The following IQCM variants were observed in gnomAD, a reference collection of about 807,000 sequenced individuals.
IQCM encodes IQ domain-containing protein M.
IQCM carries 45 observed loss-of-function variants against 57.6 expected under a neutral mutation model. The observed-to-expected ratio is 0.78, with a 90% confidence interval of 0.62 to 1.00. The LOEUF (loss-of-function observed/expected upper bound fraction) is 1.00. Among genes scored for constraint, IQCM ranks in the 50% least tolerant of loss-of-function variants. The pLI is 0.00. For synonymous variants in IQCM, 148 were observed against 158.9 expected (o/e 0.93, Z 0.51); for missense variants, 468 against 511.6 (o/e 0.91, Z 0.82).
chr4:149,686,887 G>C (rs534605048), intron 5 of IQCM, among the ~76,000 whole-genome samples: 10 of 151,446 alleles, frequency 6.6e-5, no homozygotes, highest in African/African-American at 2.4e-4. Context: ...CCTATAAATA[G>C]GAACACAAAG....
intron 12 of IQCM, among the ~76,000 whole-genome samples, chr4:149,510,121 T>A (rs990835845): frequency 2.0e-5 from 3 of 152,132 alleles, no homozygotes; most frequent in Non-Finnish European, 4.4e-5. Context: ...AATGCTAAAT[T>A]TTTGGAATCC....
chr4:149,358,540 A>C (rs1369411587), intron 13 of IQCM, among the ~76,000 whole-genome samples: 1 of 152,088 alleles, frequency 6.6e-6, no homozygotes, highest in Non-Finnish European at 1.5e-5. Flanking sequence ...TTCAGTTTCC[A>C]TGTAGTTGAG....
intron 12 of IQCM, among the ~76,000 whole-genome samples, chr4:149,437,338 A>C (rs1416812520): frequency 6.6e-6 from 1 of 152,100 alleles, no homozygotes; most frequent in Non-Finnish European, 1.5e-5. Context: ...TACTGATGTT[A>C]GTCTTCTCCA....
chr4:149,387,322 C>T (rs888042165), intron 13 of IQCM, among the ~76,000 whole-genome samples: 1 of 151,996 alleles, frequency 6.6e-6, no homozygotes, highest in Non-Finnish European at 1.5e-5. Flanking sequence ...AATATCATCA[C>T]CTTGAGGGTT....
At chr4:149,682,087 G>A (rs1762220370) in intron 7 of IQCM, 31 bp downstream of exon 7, 1 of 847,646 alleles carries the variant, frequency 1.2e-6, no homozygotes, top group Non-Finnish European at 1.6e-6. Flanking sequence ...AAATCAATGT[G>A]CTGCTACCAA....
At chr4:149,505,105 C>CAGCA (rs1335584404) in intron 12 of IQCM, among the ~76,000 whole-genome samples, 1 of 152,118 alleles carries the variant, frequency 6.6e-6, no homozygotes, top group Non-Finnish European at 1.5e-5. Context: ...TGAACTAAGA[C>CAGCA]AGCAACCTAT....
At chr4:149,379,085 G>A (rs753514297) in intron 13 of IQCM, among the ~76,000 whole-genome samples, 75 of 152,206 alleles carry the variant, frequency 4.9e-4, no homozygotes, top group Non-Finnish European at 8.8e-4. Context: ...GTGCACAAAA[G>A]TCAAGAATTG....
rs576142021 is a variant in IQCM at position 149,495,036 on chromosome 4, C to T, written c.1228+53419G>A. ...CAGACAGATAAAGGATAGTTATTAG[C>T]GGAGAAAGTAAGAAAAAGGTAGAGA... On this transcript the variant is annotated intron_variant, in intron 12 of 13. Transcript: ENST00000636793. Among the ~76,000 whole-genome samples, 142 of 151,806 alleles carry T rather than the reference C, an allele frequency of 9.4e-4. 5 individuals are homozygous for T. In the South Asian group the frequency reaches 0.026, roughly 28 times the overall value.
At chr4:149,703,993 T>A (rs777342421) in intron 5 of IQCM, among the ~76,000 whole-genome samples, 1 of 151,870 alleles carries the variant, frequency 6.6e-6, no homozygotes, top group African/African-American at 2.4e-5. Context: ...AAATGTATGG[T>A]CTTTGTGAAA....
intron 8 of IQCM, among the ~76,000 whole-genome samples, chr4:149,610,805 C>T (rs1398415585): frequency 6.6e-6 from 1 of 151,970 alleles, no homozygotes; most frequent in African/African-American, 2.4e-5. Flanking sequence ...GGATGTAGGT[C>T]TTGGCAAAGA....
chr4:149,373,552 T>C (rs1269986739), intron 13 of IQCM, among the ~76,000 whole-genome samples: 1 of 152,154 alleles, frequency 6.6e-6, no homozygotes, highest in Non-Finnish European at 1.5e-5. Flanking sequence ...TGAATCTAGC[T>C]AGTCAACAGA....
intron 9 of IQCM, among the ~76,000 whole-genome samples, chr4:149,582,140 G>A (rs938369899): frequency 6.6e-6 from 1 of 150,468 alleles, no homozygotes; most frequent in Non-Finnish European, 1.5e-5. Context: ...GCCAAGCAGA[G>A]ATTAAAAATG....
intron 10 of IQCM, among the ~76,000 whole-genome samples, chr4:149,553,810 G>A (rs1421282985): frequency 2.6e-5 from 4 of 152,026 alleles, no homozygotes; most frequent in East Asian, 1.9e-4. Context: ...CCTTTTCAGC[G>A]TATGTGCAAA....
At chr4:149,784,561 G>A (rs1580291089) in intron 2 of IQCM, among the ~76,000 whole-genome samples, 1 of 152,066 alleles carries the variant, frequency 6.6e-6, no homozygotes, top group Admixed American at 6.6e-5. Context: ...GACTACAGGT[G>A]CCCGCCACTG....
intron 12 of IQCM, among the ~76,000 whole-genome samples, chr4:149,477,928 G>A (rs1433520115): frequency 2.0e-5 from 3 of 150,592 alleles, no homozygotes; most frequent in Non-Finnish European, 3.0e-5. Context: ...TCTCTGGCAT[G>A]GATTCAAATT....
At chr4:149,357,639 C>T (rs58457351) in intron 13 of IQCM, among the ~76,000 whole-genome samples, 1,724 of 152,220 alleles carry the variant, frequency 0.011, 30 homozygotes, top group African/African-American at 0.04. Flanking sequence ...TTGCTGGATA[C>T]GTTTTGCCAG....
rs770766690 is a variant in IQCM at position 149,596,805 on chromosome 4, G to A, written c.682-8808C>T. ...AGTTTGAAAATTTAGAATAAAAGTT[G>A]TCTCACCTTAGTAGTGCCCTAAAGC... is the stretch of plus-strand genomic sequence containing the variant. On this transcript the variant is annotated intron_variant, in intron 8 of 13. Coordinates refer to ENST00000636793, the MANE Select transcript of IQCM (RefSeq NM_001363507.2). 9.9e-5 allele frequency among the ~76,000 whole-genome samples: 15 copies of A among 152,210 alleles called. No individual in the cohort carries two copies. The South Asian group carries it at 1.2e-3, about 13-fold the overall frequency.
chr4:149,602,035 CAA>C (rs1236897737), intron 8 of IQCM, among the ~76,000 whole-genome samples: 90 of 35,450 alleles, frequency 2.5e-3, no homozygotes, highest in African/African-American at 8.2e-3. Context: ...GCCTGGGCGA[CAA>C]AAAAAAAAAA....
At chr4:149,677,219 T>G (rs910325109) in intron 7 of IQCM, among the ~76,000 whole-genome samples, 1 of 152,074 alleles carries the variant, frequency 6.6e-6, no homozygotes, top group South Asian at 2.1e-4. Flanking sequence ...AGGAGAAATA[T>G]CCCTGAGGAC....
Sources: gnomAD v4.1 joint callset for allele counts (sites outside exome capture counted in the v4.1 genomes callset) on GRCh38, gnomAD v4.1.1 for gene constraint, MANE v1.5 for transcripts, NCBI Gene and HGNC (gene_info 2026-07-23, HGNC 2026-07-21) for gene names.